The following TCF20 variants were observed in gnomAD, a reference collection of about 807,000 sequenced individuals.
TCF20 encodes the protein transcription factor 20.
Under a neutral mutation model 148.6 loss-of-function variants are expected in TCF20, and 3 were observed. That is an observed-to-expected ratio of 0.02 (90% CI 0.01 to 0.05). TCF20 has a LOEUF of 0.05. Ranked by LOEUF, TCF20 falls within the 10% of genes least tolerant of loss-of-function variation. The pLI is 1.00. For synonymous variants in TCF20, 1,049 were observed against 909.5 expected (o/e 1.15, Z -2.76); for missense variants, 2,350 against 2,429.3 (o/e 0.97, Z 0.69).
intron 1 of TCF20, among the ~76,000 whole-genome samples, chr22:42,300,441 C>T (rs1219311506): frequency 6.6e-6 from 1 of 152,124 alleles, no homozygotes; most frequent in Non-Finnish European, 1.5e-5. Flanking sequence ...CATGTCCTGA[C>T]TGGGGCCCAG....
At chr22:42,176,231 T>G (rs1339103042) in intron 3 of TCF20, among the ~76,000 whole-genome samples, 1 of 152,196 alleles carries the variant, frequency 6.6e-6, no homozygotes, top group Non-Finnish European at 1.5e-5. Flanking sequence ...CTTCTCTACC[T>G]CTCTTGTTCT....
In TCF20 at chr22:42,211,947, C is replaced by T. The variant is rs142211574; in HGVS notation, c.3359G>A (p.Arg1120Gln). ...AAACTGCTGCTGCCTTGGACTCTTC[C>T]GTGGCCCCTCCTGCCTGTGCTGTGC... ...AAAQHRQEGPRKSPRQQQFLD... is the reference protein window; with the variant it reads ...AAAQHRQEGPQKSPRQQQFLD... The change falls in exon 2 of 6, where the codon CGG (arginine) becomes CAG (glutamine). Residue 1120 changes from arginine to glutamine, a missense_variant. Arg to Gln is a conservative substitution (Grantham distance 43). Coordinates refer to ENST00000677622, the MANE Select transcript of TCF20 (RefSeq NM_001378418.1). 4.2e-5 allele frequency: 67 copies of T among 1,614,068 alleles called. No individual in the cohort carries two copies. Among genetic ancestry groups the T allele is most frequent in the Non-Finnish European group, 5.2e-5 (61 of 1,180,052 alleles).
intron 1 of TCF20, among the ~76,000 whole-genome samples, chr22:42,215,877 CACT>C (rs1242570117): frequency 6.6e-6 from 1 of 152,074 alleles, no homozygotes; most frequent in African/African-American, 2.4e-5. Flanking sequence ...TGAAAAGCAG[CACT>C]CTGAGTGCAT....
chr22:42,170,806 G>A (rs1483404535), intron 3 of TCF20, among the ~76,000 whole-genome samples: 1 of 152,020 alleles, frequency 6.6e-6, no homozygotes, highest in Non-Finnish European at 1.5e-5. Context: ...CCATTTCTCA[G>A]GCTCAAGCCA....
At position 42,292,026 on chromosome 22, in the gene TCF20, G is replaced by C. The variant is rs969551919; in HGVS notation, c.-37+51453C>G. On this transcript the variant is annotated intron_variant, in intron 1 of 1. Transcript: ENST00000515426. This position sits in a 1 kb window ranked among gnomAD's most constrained non-coding sequence, Gnocchi z 4.9. ...TGTCTCCTGCCCCTGTGGACCTGAG[G>C]TCTCTGACCTGGGTAAAAGCAGGCA... is the stretch of plus-strand genomic sequence containing the variant. 6.6e-6 allele frequency among the ~76,000 whole-genome samples: 1 copy of C among 152,088 alleles called. No homozygotes were observed. The highest frequency in any genetic ancestry group is 1.5e-5 in the Non-Finnish European group (1 of 68,010).
At chr22:42,244,957 C>T (rs530492293) in intron 1 of TCF20, among the ~76,000 whole-genome samples, 193 of 152,114 alleles carry the variant, frequency 1.3e-3, no homozygotes, top group African/African-American at 4.5e-3. Context: ...GTGGTGCGCA[C>T]CTGTAATCCT....
chr22:42,266,596 G>T (rs1374168953), intron 1 of TCF20, among the ~76,000 whole-genome samples: 1 of 151,838 alleles, frequency 6.6e-6, no homozygotes, highest in African/African-American at 2.4e-5. Context: ...TGGCCAAGAT[G>T]GCGAATCCCC....
At chr22:42,311,217 C>T (rs985172287) in intron 1 of TCF20, among the ~76,000 whole-genome samples, 4 of 152,192 alleles carry the variant, frequency 2.6e-5, no homozygotes, top group Admixed American at 6.5e-5. Context: ...GGGGTCCCTG[C>T]GGGGCTGGCG....
intron 1 of TCF20, among the ~76,000 whole-genome samples, chr22:42,332,353 G>A (rs1344487681): frequency 1.3e-5 from 2 of 152,178 alleles, no homozygotes; most frequent in Admixed American, 6.5e-5. Flanking sequence ...CTGGAGTGTA[G>A]TGACCAGTGC....
At chr22:42,261,075 C>A (rs1926003718) in intron 1 of TCF20, among the ~76,000 whole-genome samples, 2 of 152,088 alleles carry the variant, frequency 1.3e-5, no homozygotes, top group Admixed American at 1.3e-4. Context: ...TAAGTTCTGC[C>A]CATTCTGGAA....
chr22:42,320,830 C>T (rs774860273), intron 1 of TCF20, among the ~76,000 whole-genome samples: 3 of 152,200 alleles, frequency 2.0e-5, no homozygotes, highest in Non-Finnish European at 4.4e-5. Flanking sequence ...GACTCAGGTA[C>T]TGCGAATACC....
rs748197275 is a variant in TCF20, at chr22:42,212,708, C to G, written c.2598G>C (p.Val866=). 1.2e-6 allele frequency: 2 copies of G among 1,614,070 alleles called. No individual in the cohort carries two copies. The highest frequency in any genetic ancestry group is 2.7e-5 in the African/African-American group (2 of 74,922). ...GTCTTAGTGGAGAAATATCACAGAT[C>G]ACTGATCTTCTTTCAGAGAGGGAAC... The part of the protein sequence containing the change: ...PGGSLSERRS[V]ICDISPLRQI... The change falls in exon 2 of 6, where the codon GTG becomes GTC. Residue 866 remains valine, a synonymous_variant. Coordinates refer to ENST00000677622, the MANE Select transcript of TCF20 (RefSeq NM_001378418.1).
intron 1 of TCF20, among the ~76,000 whole-genome samples, chr22:42,318,408 C>T (rs949058071): frequency 5.3e-5 from 8 of 152,272 alleles, no homozygotes; most frequent in South Asian, 2.1e-4. Context: ...ACTTCCCTCG[C>T]GGCCTGTGAG....
chr22:42,296,675 C>T lies in TCF20; in HGVS notation c.-37+46804G>A, dbSNP rs954963369. Among the ~76,000 whole-genome samples, 5 of 152,224 alleles carry T rather than the reference C, an allele frequency of 3.3e-5. No individual in the cohort carries two copies. The East Asian group carries it at 9.6e-4, about 29-fold the overall frequency. ...CAGGCAGGGCTGAGACCCCCACCCC[C>T]AAACAGGGCTCCAGCCAGGCAGTGC... is the stretch of plus-strand genomic sequence containing the variant. On this transcript the variant is annotated intron_variant, in intron 1 of 1. Coordinates refer to the TCF20 transcript ENST00000515426.
chr22:42,307,793 TTCACACTC>T (rs1927461515), intron 1 of TCF20, among the ~76,000 whole-genome samples: 1 of 152,154 alleles, frequency 6.6e-6, no homozygotes, highest in Non-Finnish European at 1.5e-5. Flanking sequence ...CCTCGGTCTC[TTCACACTC>T]TCCCCTACCC....
At chr22:42,325,825 G>A (rs1179259519) in intron 1 of TCF20, among the ~76,000 whole-genome samples, 2 of 152,188 alleles carry the variant, frequency 1.3e-5, no homozygotes, top group Non-Finnish European at 2.9e-5. Flanking sequence ...TGGAGCCAGC[G>A]CGCCTCTCTG....
intron 1 of TCF20, among the ~76,000 whole-genome samples, chr22:42,321,285 C>T (rs984011689): frequency 3.3e-5 from 5 of 152,180 alleles, no homozygotes; most frequent in African/African-American, 4.8e-5. Flanking sequence ...TCACTGGACA[C>T]GGCCCCTCTG....
intron 1 of TCF20, among the ~76,000 whole-genome samples, chr22:42,310,260 A>G (rs1425102988): frequency 1.3e-5 from 2 of 152,180 alleles, no homozygotes; most frequent in African/African-American, 4.8e-5. Flanking sequence ...GGCAATGACA[A>G]TCATATGTTG....
intron 1 of TCF20, among the ~76,000 whole-genome samples, chr22:42,245,078 G>GT (rs2147326969): frequency 6.6e-6 from 1 of 152,112 alleles, no homozygotes; most frequent in African/African-American, 2.4e-5. Flanking sequence ...GCCGGATCCT[G>GT]TCTCAGAAGA....
Sources: allele counts gnomAD v4.1 joint callset (sites outside exome capture counted in the v4.1 genomes callset), GRCh38; gene constraint gnomAD v4.1.1; non-coding constraint Gnocchi (gnomAD v3.1); transcripts MANE v1.5; gene names NCBI Gene and HGNC (gene_info 2026-07-23, HGNC 2026-07-21).